The following CTNNA2 variants were observed in gnomAD, a reference collection of about 807,000 sequenced individuals.
The protein encoded by CTNNA2 is catenin alpha-2.
In CTNNA2, 42 loss-of-function variants were observed where a neutral mutation model predicts 101.0. That is an observed-to-expected ratio of 0.42 (90% CI 0.32 to 0.54). The LOEUF is 0.54. Ranked by LOEUF, CTNNA2 falls within the 20% of genes least tolerant of loss-of-function variation. CTNNA2 has a pLI of 0.14. For missense variants in CTNNA2, 871 were observed against 1,223.1 expected, an observed-to-expected ratio of 0.71 and a Z score of 4.29; for synonymous variants, 450 against 456.4, an observed-to-expected ratio of 0.99 and a Z score of 0.18.
intron 2 of CTNNA2, among the ~76,000 whole-genome samples, chr2:79,264,298 G>T (rs1463146025): frequency 6.6e-6 from 1 of 152,144 alleles, no homozygotes; most frequent in Non-Finnish European, 1.5e-5. Context: ...ACTGGTAGTA[G>T]AGATGATGCT....
intron 5 of CTNNA2, among the ~76,000 whole-genome samples, chr2:79,871,880 A>G (rs950128333): frequency 2.0e-5 from 3 of 152,222 alleles, no homozygotes; most frequent in Admixed American, 6.5e-5. Context: ...ACGAGAATAT[A>G]TATGATGTTC....
At chr2:79,903,276 C>T (rs1016998618) in intron 6 of CTNNA2, among the ~76,000 whole-genome samples, 1 of 152,024 alleles carries the variant, frequency 6.6e-6, no homozygotes, top group Non-Finnish European at 1.5e-5. Context: ...CATATAGACA[C>T]AATCCTGATT....
chr2:80,382,238 T>C (rs544114965), intron 7 of CTNNA2, among the ~76,000 whole-genome samples: 22 of 152,286 alleles, frequency 1.4e-4, no homozygotes, highest in African/African-American at 5.1e-4. Flanking sequence ...TACATATCTA[T>C]ACATATTTCT....
In CTNNA2 at chr2:79,660,364, T is replaced by A. The variant is rs374171928; in HGVS notation, c.102+8706T>A. Among the ~76,000 whole-genome samples the A allele has an allele frequency of 7.2e-3, 1,095 of 151,070 alleles. 28 individuals are homozygous for A. In the South Asian group the frequency reaches 0.08, roughly 11 times the overall value. ...TATACATATGTGTATGTATACTAAA[T>A]ACATACACATATATAGTATACACAT... On this transcript the variant is annotated intron_variant, in intron 2 of 18. Coordinates refer to ENST00000402739, the MANE Select transcript of CTNNA2 (RefSeq NM_001282597.3).
intron 9 of CTNNA2, among the ~76,000 whole-genome samples, chr2:80,441,447 G>C (rs1682564833): frequency 6.6e-6 from 1 of 152,106 alleles, no homozygotes; most frequent in Non-Finnish European, 1.5e-5. Flanking sequence ...TGTTAGTTTT[G>C]TTGACAGTAT....
chr2:79,216,951 A>G (rs1419461771), intron 2 of CTNNA2, among the ~76,000 whole-genome samples: 1 of 152,160 alleles, frequency 6.6e-6, no homozygotes, highest in Non-Finnish European at 1.5e-5. Context: ...ATGATTAAAC[A>G]CCAAGGGAAG....
chr2:80,374,741 A>G (rs1163041457), intron 7 of CTNNA2, among the ~76,000 whole-genome samples: 1 of 150,126 alleles, frequency 6.7e-6, no homozygotes, highest in African/African-American at 2.5e-5. Flanking sequence ...TAAGGATACC[A>G]GTCATATTGG....
chr2:80,316,915 A>T (rs1172272774), intron 7 of CTNNA2, among the ~76,000 whole-genome samples: 1 of 152,178 alleles, frequency 6.6e-6, no homozygotes, highest in African/African-American at 2.4e-5. Flanking sequence ...GATAAAGGGA[A>T]AATTAAAGAA....
chr2:79,956,843 G>GTTTTTTTTTTCTTTTTTTTTT (rs1302247404), intron 7 of CTNNA2, among the ~76,000 whole-genome samples: 4 of 98,936 alleles, frequency 4.0e-5, no homozygotes, highest in Admixed American at 1.1e-4. Flanking sequence ...ATACGTGTGG[G>GTTTTTTTTTTCTTTTTTTTTT]TTTTTTTTTT....
chr2:79,340,409 G>A (rs938268397), intron 3 of CTNNA2, among the ~76,000 whole-genome samples: 4 of 152,172 alleles, frequency 2.6e-5, no homozygotes, highest in Non-Finnish European at 5.9e-5. Context: ...CAGGCAGTTG[G>A]CAGGTGCAGT....
chr2:79,501,768 T>A (rs1006112922), intron 4 of CTNNA2, among the ~76,000 whole-genome samples: 6 of 152,150 alleles, frequency 3.9e-5, no homozygotes, highest in African/African-American at 1.4e-4. Context: ...TACTGCCTCA[T>A]CATGTATCTT....
chr2:80,297,004 G>A (rs1165334290), intron 7 of CTNNA2, among the ~76,000 whole-genome samples: 1 of 152,166 alleles, frequency 6.6e-6, no homozygotes. Context: ...CTCTCTCTGA[G>A]TCTAAAATCC....
intron 7 of CTNNA2, among the ~76,000 whole-genome samples, chr2:80,032,821 A>G (rs1016302607): frequency 1.3e-5 from 2 of 152,194 alleles, no homozygotes; most frequent in Non-Finnish European, 1.5e-5. Flanking sequence ...TAAACCAAAA[A>G]GGAAGTCTAT....
At chr2:80,051,961 AC>A (rs1165875547) in intron 7 of CTNNA2, among the ~76,000 whole-genome samples, 3 of 152,170 alleles carry the variant, frequency 2.0e-5, no homozygotes. Context: ...TTTCCCCTAA[AC>A]AAAACTGTGT....
chr2:79,452,494 A>C (rs1387195855), intron 4 of CTNNA2, among the ~76,000 whole-genome samples: 1 of 151,980 alleles, frequency 6.6e-6, no homozygotes, highest in Non-Finnish European at 1.5e-5. Context: ...TAATAAAAAT[A>C]ATTATCTAAA....
chr2:79,747,302 T>G (rs1671712325), intron 3 of CTNNA2, among the ~76,000 whole-genome samples: 1 of 152,376 alleles, frequency 6.6e-6, no homozygotes, highest in South Asian at 2.1e-4. Context: ...GACGCTTGTT[T>G]GTTTTCATGC....
intron 18 of CTNNA2, among the ~76,000 whole-genome samples, chr2:80,644,424 A>G (rs1459588057): frequency 6.6e-6 from 1 of 152,192 alleles, no homozygotes; most frequent in Non-Finnish European, 1.5e-5. Context: ...TGTTAAATAA[A>G]TGTTCCTAAA....
intron 2 of CTNNA2, among the ~76,000 whole-genome samples, chr2:79,252,488 T>C (rs538256259): frequency 6.6e-6 from 1 of 152,306 alleles, no homozygotes; most frequent in South Asian, 2.1e-4. Context: ...AGAATTATTT[T>C]TAATGTACAA....
chr2:80,312,581 A>T (rs1573683288), intron 7 of CTNNA2, among the ~76,000 whole-genome samples: 1 of 152,238 alleles, frequency 6.6e-6, no homozygotes, highest in East Asian at 1.9e-4. Context: ...AAACTTTAAA[A>T]TGGAGAATCA....
Sources: gnomAD v4.1 joint callset for allele counts (sites outside exome capture counted in the v4.1 genomes callset) on GRCh38, gnomAD v4.1.1 for gene constraint, MANE v1.5 for transcripts, NCBI Gene and HGNC (gene_info 2026-07-23, HGNC 2026-07-21) for gene names.